Variants in XRCC5 observed in about 807,000 individuals in gnomAD.
XRCC5 encodes the protein X-ray repair cross complementing 5.
In XRCC5, 12 loss-of-function variants were observed where a neutral mutation model predicts 95.7. The observed-to-expected ratio is 0.13, with a 90% CI of 0.08 to 0.20. The LOEUF is 0.20. XRCC5 is among the 10% of genes least tolerant of loss of function. The pLI is 1.00. For synonymous variants in XRCC5, 281 were observed against 290.3 expected, an observed-to-expected ratio of 0.97 and a Z score of 0.33; for missense variants, 595 against 873.9, an observed-to-expected ratio of 0.68 and a Z score of 4.02.
chr2:216,171,495 A>G (rs958373137), intron 16 of XRCC5, among the ~76,000 whole-genome samples: 19 of 152,234 alleles, frequency 1.2e-4, no homozygotes, highest in African/African-American at 4.1e-4. Flanking sequence ...GGTTGGAGAA[A>G]AATCTTCAGT....
intron 16 of XRCC5, among the ~76,000 whole-genome samples, chr2:216,162,409 T>C (rs934764084): frequency 1.4e-4 from 12 of 86,650 alleles, no homozygotes; most frequent in Admixed American, 9.6e-4. Context: ...TTTTTTTTCT[T>C]TTTTTTTTTG....
At chr2:216,133,030 A>C (rs1697019390) in intron 10 of XRCC5, among the ~76,000 whole-genome samples, 1 of 152,198 alleles carries the variant, frequency 6.6e-6, no homozygotes, top group African/African-American at 2.4e-5. Context: ...AATAAACTGG[A>C]TGTAGAAGGC....
chr2:216,158,339 G>A (rs1688886148), intron 14 of XRCC5, among the ~76,000 whole-genome samples: 1 of 152,188 alleles, frequency 6.6e-6, no homozygotes. Context: ...ATAAAAATTA[G>A]TACACAGTGA....
chr2:216,198,981 T>C (rs1000464560), intron 19 of XRCC5, among the ~76,000 whole-genome samples: 9 of 152,254 alleles, frequency 5.9e-5, no homozygotes, highest in African/African-American at 2.2e-4. Context: ...TGATTTCTTT[T>C]GGTTTTAATA....
At chr2:216,202,519 C>T (rs962879561) in intron 19 of XRCC5, among the ~76,000 whole-genome samples, 2 of 152,058 alleles carry the variant, frequency 1.3e-5, no homozygotes, top group African/African-American at 2.4e-5. Flanking sequence ...TTCATAATCA[C>T]CCAGAATAAA....
intron 16 of XRCC5, among the ~76,000 whole-genome samples, chr2:216,169,162 C>G (rs1201536285): frequency 6.6e-6 from 1 of 152,202 alleles, no homozygotes; most frequent in Non-Finnish European, 1.5e-5. Flanking sequence ...TTATTGCTGA[C>G]CTGATTGACT....
chr2:216,163,174 A>C (rs980468478), intron 16 of XRCC5, among the ~76,000 whole-genome samples: 2 of 150,846 alleles, frequency 1.3e-5, no homozygotes, highest in African/African-American at 4.9e-5. Context: ...TCGCTGTGTC[A>C]CCCAGGCTGG....
chr2:216,160,682 A>T (rs56979292), intron 15 of XRCC5, among the ~76,000 whole-genome samples: 60,056 of 150,974 alleles, frequency 0.4, 12,504 homozygotes, highest in Non-Finnish European at 0.48. Context: ...TTAATTAATT[A>T]ATTAATTAAT....
At chr2:216,138,448 A>G (rs1245109151) in intron 12 of XRCC5, among the ~76,000 whole-genome samples, 1 of 152,220 alleles carries the variant, frequency 6.6e-6, no homozygotes. Context: ...ATGGATGTCC[A>G]TCTCTAGTTG....
At chr2:216,199,533 A>G (rs1211698076) in intron 19 of XRCC5, among the ~76,000 whole-genome samples, 4 of 152,170 alleles carry the variant, frequency 2.6e-5, no homozygotes, top group African/African-American at 9.7e-5. Flanking sequence ...TATCATTATA[A>G]CCTGTCAGTT....
intron 16 of XRCC5, among the ~76,000 whole-genome samples, chr2:216,168,550 C>G (rs752685114): frequency 6.6e-6 from 1 of 152,146 alleles, no homozygotes; most frequent in Middle Eastern, 3.2e-3. Flanking sequence ...CTTTAAAATC[C>G]TTTTAAGTTC....
rs41296402 is a variant in XRCC5, at chr2:216,141,385, G to A, written c.1476+66G>A. ...GAAAGAGAGCTAAGTGCAAAGTTGC[G>A]GTAATTGGCCAGTCCTAAATAAATG... On this transcript the variant is annotated intron_variant, in intron 13 of 20. Transcript: ENST00000392132. 2.9e-5 allele frequency: 46 copies of A among 1,584,370 alleles called. No homozygotes were observed. In the East Asian group the frequency reaches 4.3e-4, roughly 15 times the overall value.
chr2:216,121,148 T>G (rs1264327823), intron 5 of XRCC5, among the ~76,000 whole-genome samples: 3 of 152,240 alleles, frequency 2.0e-5, no homozygotes, highest in Non-Finnish European at 4.4e-5. Context: ...CTCTTCACTT[T>G]TACGACATTT....
intron 16 of XRCC5, among the ~76,000 whole-genome samples, chr2:216,163,566 T>C (rs207919): frequency 0.31 from 45,408 of 144,910 alleles, 7,579 homozygotes; most frequent in South Asian, 0.47. Flanking sequence ...CTGGGATTAC[T>C]GTGAGCCACG....
intron 19 of XRCC5, among the ~76,000 whole-genome samples, chr2:216,201,736 G>T (rs191596339): frequency 1.3e-5 from 2 of 152,258 alleles, no homozygotes; most frequent in African/African-American, 4.8e-5. Context: ...GAGATTCGGA[G>T]AATCTCTTGC....
chr2:216,160,277 C>G (rs1481701682), intron 15 of XRCC5, 116 bp downstream of exon 15: 1 of 619,448 alleles, frequency 1.6e-6, no homozygotes, highest in Non-Finnish European at 2.7e-6. Context: ...ATCATGATCA[C>G]TTTCTCTGGT....
intron 19 of XRCC5, among the ~76,000 whole-genome samples, chr2:216,198,987 T>G (rs559840465): frequency 4.4e-4 from 67 of 152,220 alleles, no homozygotes; most frequent in Non-Finnish European, 8.8e-4. Context: ...CTTTTGGTTT[T>G]AATAGAAGAG....
chr2:216,111,857 A>G (rs41296914), intron 1 of XRCC5, among the ~76,000 whole-genome samples: 3 of 152,164 alleles, frequency 2.0e-5, no homozygotes, highest in African/African-American at 7.2e-5. Context: ...TGACATTCCC[A>G]AGGACTCAGA....
rs369842827 is a variant in XRCC5 at position 216,197,448 on chromosome 2, GAA to G, written c.2109+2481_2109+2482del. Among the ~76,000 whole-genome samples, 320 of 110,320 alleles carry G rather than the reference GAA, an allele frequency of 2.9e-3. 3 individuals carry two copies. The highest frequency in any genetic ancestry group is 0.01 in the African/African-American group (304 of 30,026). 72.4% of individuals were successfully genotyped at this position (110,320 alleles called of 152,430 possible). On this transcript the variant is annotated intron_variant, in intron 19 of 20. Transcript: ENST00000392132. Reference sequence around the variant, plus strand: ...CAACGAAAGCGAAACTCTGTCCCAGGAAAAAAAAAAAAAAAAAAAAGACAACT... The same window carrying G: ...CAACGAAAGCGAAACTCTGTCCCAGGAAAAAAAAAAAAAAAAAAGACAACT...
Sources: allele counts gnomAD v4.1 joint callset (sites outside exome capture counted in the v4.1 genomes callset), GRCh38; gene constraint gnomAD v4.1.1; transcripts MANE v1.5; gene names NCBI Gene and HGNC (gene_info 2026-07-23, HGNC 2026-07-21).